The following TMEM160 variants were observed in gnomAD, a reference collection of about 807,000 sequenced individuals.
The protein encoded by TMEM160 is transmembrane protein 160.
Under a neutral mutation model 13.9 loss-of-function variants are expected in TMEM160, and 10 were observed. That is an observed-to-expected ratio of 0.72 (90% CI 0.45 to 1.22). TMEM160 has a LOEUF of 1.22. Among genes scored for constraint, TMEM160 ranks in the 50% most tolerant of loss-of-function variants. The pLI, the probability that TMEM160 is intolerant of heterozygous loss-of-function variation, is 0.00. For missense variants in TMEM160, 287 were observed against 283.2 expected, an observed-to-expected ratio of 1.01 and a Z score of -0.10; for synonymous variants, 159 against 134.8, an observed-to-expected ratio of 1.18 and a Z score of -1.25.
At chr19:47,047,562 C>T (rs1489474811) in intron 1 of TMEM160, 3 of 979,884 alleles carry the variant, frequency 3.1e-6, no homozygotes, top group African/African-American at 1.9e-5. Flanking sequence ...TCTAGATGCC[C>T]GGTCCTGGCC....
Position 47,046,068 on chromosome 19 carries a change from C to A in TMEM160, c.486G>T (p.Leu162=). 6.5e-7 allele frequency: 1 copy of A among 1,546,666 alleles called. No individual in the cohort carries two copies. The highest frequency in any genetic ancestry group is 2.4e-5 in the East Asian group (1 of 41,682). The change falls in exon 3 of 3, where the codon CTG becomes CTT. Residue 162 remains leucine (L), a synonymous_variant. Coordinates refer to ENST00000253047, the MANE Select transcript of TMEM160 (RefSeq NM_017854.2). ...CGTCCTCGGGCACCAGCTCCACGTC[C>A]AGCTCCAGCTGCCCCATGTAGAGGC... The part of the protein sequence containing the change: ...AVGLYMGQLE[L]DVELVPEDDG...
intron 1 of TMEM160, among the ~76,000 whole-genome samples, chr19:47,047,123 T>G (rs1159651386): frequency 6.6e-6 from 1 of 152,130 alleles, no homozygotes; most frequent in Non-Finnish European, 1.5e-5. Context: ...GGGAGGAGAA[T>G]CACTTGAATC....
chr19:47,046,742 C>G, intron 1 of TMEM160, 57 bp from the exon 2 acceptor site: 3 of 1,308,470 alleles, frequency 2.3e-6, no homozygotes, highest in Non-Finnish European at 3.3e-6. Flanking sequence ...CCTCCTCAAT[C>G]CCCCTTACCC....
In TMEM160 at chr19:47,048,507, G is replaced by A. The variant is rs1214418487; in HGVS notation, c.108C>T (p.Ser36=). 6.9e-7 allele frequency: 1 copy of A among 1,451,080 alleles called. No individual in the cohort carries two copies. Among genetic ancestry groups the A allele is most frequent in the Non-Finnish European group, 9.0e-7 (1 of 1,111,700 alleles). The allele number at this position is 1,451,080 out of a possible 1,614,324, so 89.9% of individuals were successfully genotyped here. Residue 36 remains serine (S), a synonymous_variant, in exon 1 of 3, where the codon TCC becomes TCT. Coordinates refer to ENST00000253047, the MANE Select transcript of TMEM160 (RefSeq NM_017854.2). ...CGCGGGGACCGTGGCCGGGGGCGAA[G>A]GACCCCCGGGCGCCCCCGCTCCGGG... is the stretch of plus-strand genomic sequence containing the variant. ...QRPRSGGARG[S]FAPGHGPRAG...
In TMEM160 at chr19:47,046,199, C is replaced by T. The variant is rs779581252; in HGVS notation, c.355G>A (p.Val119Met). ...CVVWGSASYA[V>M]GLAALRGPMQ... ...GGTCCTCGCAGCGCCGCCAGGCCCA[C>T]GGCGTACGAGGCGCTGCCCCACACC... Residue 119 changes from valine to methionine, a missense_variant, in exon 3 of 3, where the codon GTG (valine) becomes ATG (methionine). Physicochemically the swap from Val to Met is conservative, Grantham distance 21 (BLOSUM62 1). Coordinates refer to ENST00000253047, the MANE Select transcript of TMEM160 (RefSeq NM_017854.2). The T allele has an allele frequency of 6.5e-7, 1 of 1,526,822 alleles. No homozygotes were observed. The highest frequency in any genetic ancestry group is 8.7e-7 in the Non-Finnish European group (1 of 1,143,728). The allele number at this position is 1,526,822 out of a possible 1,614,324, so 94.6% of individuals were successfully genotyped here. A position where few individuals can be genotyped will look rare whatever the true frequency, so the allele number is the denominator to read the frequency against.
Position 47,048,544 on chromosome 19 carries a change from G to T in TMEM160, c.71C>A (p.Pro24Gln), listed in dbSNP as rs773515396. 21 of 1,504,036 alleles carry T rather than the reference G, an allele frequency of 1.4e-5. No individual in the cohort carries two copies. In the South Asian group the frequency reaches 2.1e-4, roughly 15 times the overall value. 93.2% of individuals were successfully genotyped at this position (1,504,036 alleles called of 1,614,324 possible). A position where few individuals can be genotyped will look rare whatever the true frequency, so the allele number is the denominator to read the frequency against. ...GCCCCCGCTCCGGGGCCGCTGAGGC[G>T]GCAGTAGCGACCTCCGGAAGCGAAG... ...ARLRFRRSLL[P>Q]PQRPRSGGAR... is the part of the protein sequence containing the mutation. Residue 24 changes from proline (P) to glutamine (Q), a missense_variant, in exon 1 of 3, where the codon CCG becomes CAG. Coordinates refer to ENST00000253047, the MANE Select transcript of TMEM160 (RefSeq NM_017854.2).
intron 1 of TMEM160, among the ~76,000 whole-genome samples, chr19:47,048,073 A>T (rs2057090429): frequency 6.6e-6 from 1 of 151,658 alleles, no homozygotes; most frequent in African/African-American, 2.4e-5. Context: ...ATCGGGATGG[A>T]CCCATCTTGT....
Position 47,048,545 on chromosome 19 carries a change from G to A in TMEM160, c.70C>T (p.Pro24Ser). The A allele has an allele frequency of 2.7e-6, 4 of 1,505,018 alleles. No individual in the cohort carries two copies. Among genetic ancestry groups the A allele is most frequent in the Admixed American group, 2.1e-5 (1 of 47,578 alleles). The allele number at this position is 1,505,018 out of a possible 1,614,324, so 93.2% of individuals were successfully genotyped here. Residue 24 changes from proline (P) to serine (S), a missense_variant, in exon 1 of 3, where the codon CCG (proline) becomes TCG (serine). Pro to Ser is a moderately conservative substitution (Grantham distance 74). Coordinates refer to ENST00000253047, the MANE Select transcript of TMEM160 (RefSeq NM_017854.2). ...CCCCCGCTCCGGGGCCGCTGAGGCG[G>A]CAGTAGCGACCTCCGGAAGCGAAGA... ...ARLRFRRSLLPPQRPRSGGAR... is the reference protein window; with the variant it reads ...ARLRFRRSLLSPQRPRSGGAR...
In TMEM160 at chr19:47,046,625, A is replaced by C. The variant is rs1294090525; in HGVS notation, c.269T>G (p.Met90Arg). 2 of 1,613,398 alleles carry C rather than the reference A, an allele frequency of 1.2e-6. No homozygotes were observed. Among genetic ancestry groups the C allele is most frequent in the Non-Finnish European group, 1.7e-6 (2 of 1,179,892 alleles). The change falls in exon 2 of 3, where the codon ATG becomes AGG. Residue 90 changes from methionine to arginine, a missense_variant. Transcript: ENST00000253047. ...TGCTTCCCGACCCATGTCACTCTGC[A>C]TGAAGGAGATGACCCCGATGCCCGA... ...LASGIGVISFMQSDMGREAAY... is the reference protein window; with the variant it reads ...LASGIGVISFRQSDMGREAAY...
rs748312951 is a variant in TMEM160 at position 47,048,528 on chromosome 19, C to T, written c.87G>A (p.Arg29=). ...RRSLLPPQRP[R]SGGARGSFAP... is the part of the protein sequence containing the mutation. ...CGAAGGACCCCCGGGCGCCCCCGCT[C>T]CGGGGCCGCTGAGGCGGCAGTAGCG... Residue 29 remains arginine, a synonymous_variant, in exon 1 of 3, where the codon CGG becomes CGA. Transcript: ENST00000253047. 8 of 1,492,784 alleles carry T rather than the reference C, an allele frequency of 5.4e-6. No homozygotes were observed. Among genetic ancestry groups the T allele is most frequent in the Middle Eastern group, 2.4e-4 (1 of 4,224 alleles). 92.5% of individuals were successfully genotyped at this position (1,492,784 alleles called of 1,614,324 possible).
chr19:47,047,230 G>T, intron 1 of TMEM160: 2 of 981,786 alleles, frequency 2.0e-6, no homozygotes, highest in Non-Finnish European at 2.4e-6. Context: ...AAGGATTCAA[G>T]ATAGTCCCTG....
intron 1 of TMEM160, among the ~76,000 whole-genome samples, chr19:47,046,993 T>G (rs184822219): frequency 6.6e-6 from 1 of 152,186 alleles, no homozygotes; most frequent in Non-Finnish European, 1.5e-5. Context: ...AGGCGGATCA[T>G]GAGGTCAGGA....
chr19:47,047,342 A>G, intron 1 of TMEM160: 1 of 984,800 alleles, frequency 1.0e-6, no homozygotes, highest in Non-Finnish European at 1.2e-6. Flanking sequence ...CGGCCTGCCC[A>G]CTCACTTCTT....
In TMEM160 at chr19:47,048,397, A is replaced by C; in HGVS notation, c.208+10T>G. On this transcript the variant is annotated intron_variant, in intron 1 of 2. Transcript: ENST00000253047. ...TCCCATCCGCACCGCCCCCACCCCT[A>C]GCCACCGACCTGTCTCGTGCGCTTT... 1 of 1,490,366 alleles carries C rather than the reference A, an allele frequency of 6.7e-7. No individual in the cohort carries two copies. The highest frequency in any genetic ancestry group is 8.9e-7 in the Non-Finnish European group (1 of 1,128,964). 92.3% of individuals were successfully genotyped at this position (1,490,366 alleles called of 1,614,324 possible). A position where few individuals can be genotyped will look rare whatever the true frequency, so the allele number is the denominator to read the frequency against.
chr19:47,047,943 CT>C, intron 1 of TMEM160: 1 of 985,136 alleles, frequency 1.0e-6, no homozygotes, highest in Non-Finnish European at 1.2e-6. Context: ...CCTAGATCAC[CT>C]CCCCCTCCAA....
chr19:47,046,392 G>A (rs927122602), intron 2 of TMEM160, 140 bp from the exon 3 acceptor site: 8 of 1,174,336 alleles, frequency 6.8e-6, no homozygotes, highest in Non-Finnish European at 9.4e-6. Context: ...GGAGGGGAGG[G>A]GACCATAACC....
intron 1 of TMEM160, 83 bp from the exon 2 acceptor site, chr19:47,046,768 C>A (rs981514642): frequency 1.9e-6 from 2 of 1,045,344 alleles, no homozygotes; most frequent in Non-Finnish European, 2.9e-6. Context: ...AACTGAGGGG[C>A]CTCCCTTCAG....
Position 47,046,138 on chromosome 19 carries a change from G to A in TMEM160, c.416C>T (p.Ala139Val), listed in dbSNP as rs1396179127. ...CAGGCTGGCGGCCAGCACGGCGCCC[G>A]CGCCCACGGCCGCGCCCCCCAGCGT... is the stretch of plus-strand genomic sequence containing the variant. ...QLTLGGAAVG[A>V]GAVLAASLLW... The change falls in exon 3 of 3, where the codon GCG becomes GTG. Residue 139 changes from alanine (A) to valine (V), a missense_variant. By Grantham distance (64) the Ala-to-Val change is moderately conservative (BLOSUM62 0). Transcript: ENST00000253047. 1.4e-6 allele frequency: 2 copies of A among 1,475,102 alleles called. No homozygotes were observed. The highest frequency in any genetic ancestry group is 1.8e-6 in the Non-Finnish European group (2 of 1,123,080). 91.4% of individuals were successfully genotyped at this position (1,475,102 alleles called of 1,614,324 possible). A position where few individuals can be genotyped will look rare whatever the true frequency, so the allele number is the denominator to read the frequency against.
At chr19:47,046,404 T>A in intron 2 of TMEM160, 152 bp from the exon 3 acceptor site, 1 of 1,090,322 alleles carries the variant, frequency 9.2e-7, no homozygotes. Flanking sequence ...ACCATAACCA[T>A]GTCCTGGGCC....
Sources: gnomAD v4.1 joint callset for allele counts (sites outside exome capture counted in the v4.1 genomes callset) on GRCh38, gnomAD v4.1.1 for gene constraint, MANE v1.5 for transcripts, NCBI Gene and HGNC (gene_info 2026-07-23, HGNC 2026-07-21) for gene names.